Variants in SLC22A14 observed in about 807,000 individuals in gnomAD.
SLC22A14 encodes the protein solute carrier family 22 member 14.
Under a neutral mutation model 53.9 loss-of-function variants are expected in SLC22A14, and 50 were observed. The observed-to-expected ratio is 0.93, with a 90% CI of 0.74 to 1.17. SLC22A14 has a LOEUF of 1.17. Ranked by LOEUF, SLC22A14 falls within the 50% of genes most tolerant of loss-of-function variation. SLC22A14 has a pLI of 0.00. For missense variants in SLC22A14, 671 were observed against 734.7 expected (o/e 0.91, Z 1.00); for synonymous variants, 312 against 303.0 (o/e 1.03, Z -0.31).
At position 38,307,438 on chromosome 3, in the gene SLC22A14, C is replaced by T; in HGVS notation, c.620+81C>T. 1.3e-6 allele frequency: 2 copies of T among 1,528,300 alleles called. No homozygotes were observed. The highest frequency in any genetic ancestry group is 2.2e-5 in the South Asian group (2 of 89,280). 94.7% of individuals were successfully genotyped at this position (1,528,300 alleles called of 1,614,324 possible). A position where few individuals can be genotyped will look rare whatever the true frequency, so the allele number is the denominator to read the frequency against. On this transcript the variant is annotated intron_variant, in intron 3 of 10. Transcript: ENST00000448498. The surrounding 1 kb of genome is among the most constrained non-coding windows in gnomAD (Gnocchi z 4.4). Reference sequence around the variant, plus strand: ...GCATTCAGGGTTGGAGTGTGTCAGGCTGAGGGAGGTGAGGGTAGGGGTTCT... The same window carrying T: ...GCATTCAGGGTTGGAGTGTGTCAGGTTGAGGGAGGTGAGGGTAGGGGTTCT...
In SLC22A14 at chr3:38,307,184, G is replaced by A. The variant is rs550202305; in HGVS notation, c.517-70G>A. On this transcript the variant is annotated intron_variant, in intron 2 of 10. Transcript: ENST00000448498. The surrounding 1 kb of genome is among the most constrained non-coding windows in gnomAD (Gnocchi z 4.4). ...GGTCCCCTTGGCCTATAGGTCCCAC[G>A]CTGGGATGAGTCTCAGTCTCTGGAC... is the stretch of plus-strand genomic sequence containing the variant. The A allele has an allele frequency of 6.5e-5, 70 of 1,079,244 alleles. No homozygotes were observed. The highest frequency in any genetic ancestry group is 2.1e-4 in the South Asian group (17 of 80,450). The allele number at this position is 1,079,244 out of a possible 1,614,324, so 66.9% of individuals were successfully genotyped here.
chr3:38,289,975 G>A (rs1474780501), intron 1 of SLC22A14, among the ~76,000 whole-genome samples: 1 of 152,224 alleles, frequency 6.6e-6, no homozygotes, highest in African/African-American at 2.4e-5. Context: ...CCCTCCTGCT[G>A]TGCTCTCAGG....
chr3:38,287,648 G>T (rs1485857096), intron 1 of SLC22A14, among the ~76,000 whole-genome samples: 1 of 152,030 alleles, frequency 6.6e-6, no homozygotes, highest in Non-Finnish European at 1.5e-5. Context: ...AATTTGCAGG[G>T]CACATCATTC....
In SLC22A14 at chr3:38,313,468, G is replaced by C. The variant is rs139343699; in HGVS notation, c.1146G>C (p.Leu382Phe). ...ATAGGCAGCTCTGCAAGGTGACCTT[G>C]GTGATGAGCTGTGTGTGGTGAGTAT... ...CKNRQLCKVT[L>F]VMSCVWFTVS... Residue 382 changes from leucine (L) to phenylalanine (F), a missense_variant, in exon 7 of 11, where the codon TTG becomes TTC. By Grantham distance (22) the Leu-to-Phe change is conservative. Coordinates refer to ENST00000448498, the MANE Select transcript of SLC22A14 (RefSeq NM_001320033.2). 4.2e-5 allele frequency: 67 copies of C among 1,611,926 alleles called. No individual in the cohort carries two copies. In the African/African-American group the frequency reaches 8.4e-4, roughly 20 times the overall value.
At chr3:38,315,860 G>T in intron 9 of SLC22A14, 149 bp downstream of exon 9, 1 of 842,388 alleles carries the variant, frequency 1.2e-6, no homozygotes, top group Non-Finnish European at 1.9e-6. Context: ...AACACCACCA[G>T]AAAATCCCCC....
chr3:38,306,206 G>A lies in SLC22A14; in HGVS notation c.180G>A (p.Gly60=), dbSNP rs772761302. 2 of 1,614,130 alleles carry A rather than the reference G, an allele frequency of 1.2e-6. No individual in the cohort carries two copies. The highest frequency in any genetic ancestry group is 1.7e-6 in the Non-Finnish European group (2 of 1,180,020). Residue 60 remains glycine, a synonymous_variant, in exon 2 of 11, where the codon GGG becomes GGA. Transcript: ENST00000448498. ...TTGCCAACCTCCTGGATGCGGTGGG[G>A]GAGTTTGGCACATTCCAGCAGAGGC... The part of the protein sequence containing the change: ...DKFANLLDAV[G]EFGTFQQRLV...
rs561763513 is a variant in SLC22A14 at position 38,314,691 on chromosome 3, T to TAATCCA, written c.1378+750_1378+751insAATCCA. On this transcript the variant is annotated intron_variant, in intron 8 of 10. Transcript: ENST00000448498. The stretch of plus-strand genomic sequence containing the variant: ...GGGGCTCCCTCCCTTTCTCCAGGGC[T>TAATCCA]GGAATTGTGTGTGTCTGGATTAGGA... Among the ~76,000 whole-genome samples the TAATCCA allele has an allele frequency of 1.1e-4, 17 of 152,346 alleles. No homozygotes were observed. In the East Asian group the frequency reaches 3.3e-3, roughly 29 times the overall value.
chr3:38,302,474 C>T (rs886242232), intron 1 of SLC22A14, among the ~76,000 whole-genome samples: 1 of 151,642 alleles, frequency 6.6e-6, no homozygotes, highest in Non-Finnish European at 1.5e-5. Flanking sequence ...CTGGGCAACA[C>T]AACAAGACCT....
rs1200803951 is a variant in SLC22A14 at position 38,318,362 on chromosome 3, C to T, written c.*113C>T. On this transcript the variant is annotated 3_prime_UTR_variant, in exon 11 of 11. Coordinates refer to ENST00000448498, the MANE Select transcript of SLC22A14 (RefSeq NM_001320033.2). ...TAAAGAGGAAGCAAACAGCCAGGCT[C>T]CCTGAGGGCCAGGCCCCCAGACCAT... 5.6e-5 allele frequency: 57 copies of T among 1,017,356 alleles called. No individual in the cohort carries two copies. The highest frequency in any genetic ancestry group is 2.3e-4 in the South Asian group (17 of 75,504). The allele number at this position is 1,017,356 out of a possible 1,614,324, so 63.0% of individuals were successfully genotyped here. A position where few individuals can be genotyped will look rare whatever the true frequency, so the allele number is the denominator to read the frequency against.
intron 7 of SLC22A14, 36 bp from the exon 8 acceptor site, chr3:38,313,683 TGTGCGCGC>T (rs1553644860): frequency 1.6e-5 from 12 of 736,928 alleles, no homozygotes; most frequent in African/African-American, 1.2e-4. Flanking sequence ...GCTCCGTGTG[TGTGCGCGC>T]GTGTGCACGC....
At chr3:38,316,638 C>T in intron 10 of SLC22A14, 114 bp downstream of exon 10, 2 of 933,150 alleles carry the variant, frequency 2.1e-6, no homozygotes, top group African/African-American at 1.6e-5. Context: ...GAGCCTGTGA[C>T]TCGAAGGCTG....
At chr3:38,284,494 GC>G (rs1416314838) in intron 1 of SLC22A14, among the ~76,000 whole-genome samples, 2 of 152,244 alleles carry the variant, frequency 1.3e-5, no homozygotes, top group African/African-American at 4.8e-5. Context: ...CCCAGCCAAG[GC>G]CCGTCCTCTA....
At chr3:38,298,299 C>T (rs1029373496) in intron 1 of SLC22A14, among the ~76,000 whole-genome samples, 3 of 152,144 alleles carry the variant, frequency 2.0e-5, no homozygotes, top group Admixed American at 2.0e-4. Context: ...AACCATTTCT[C>T]CAACGAACCC....
At position 38,316,443 on chromosome 3, in the gene SLC22A14, T is replaced by C. The variant is rs1704622611; in HGVS notation, c.1652T>C (p.Val551Ala). The change falls in exon 10 of 11, where the codon GTG (valine) becomes GCG (alanine). Residue 551 changes from valine (V) to alanine (A), a missense_variant. Val to Ala is a moderately conservative substitution (Grantham distance 64). Coordinates refer to ENST00000448498, the MANE Select transcript of SLC22A14 (RefSeq NM_001320033.2). Reference protein sequence around the residue: ...PIFLCCVLAIVAFSLSSLLPE... With the variant: ...PIFLCCVLAIAAFSLSSLLPE... Reference sequence around the variant, plus strand: ...TTTCTCTGCTGCGTCTTAGCCATCGTGGCCTTTTCCCTCTCCTCCCTGCTG... The same window carrying C: ...TTTCTCTGCTGCGTCTTAGCCATCGCGGCCTTTTCCCTCTCCTCCCTGCTG... The C allele has an allele frequency of 1.2e-6, 2 of 1,614,128 alleles. No homozygotes were observed. The highest frequency in any genetic ancestry group is 1.7e-6 in the Non-Finnish European group (2 of 1,179,982).
At chr3:38,312,948 G>A (rs1186975530) in intron 5 of SLC22A14, 51 bp from the exon 6 acceptor site, 2 of 1,561,098 alleles carry the variant, frequency 1.3e-6, no homozygotes, top group Non-Finnish European at 1.7e-6. Flanking sequence ...GCCAGCAGGG[G>A]GTCTCTGGGC....
chr3:38,306,953 A>G (rs1704322231), intron 2 of SLC22A14, among the ~76,000 whole-genome samples: 1 of 152,234 alleles, frequency 6.6e-6, no homozygotes, highest in Admixed American at 6.5e-5. Context: ...GGTTGGGCCT[A>G]GCACCTGCCT....
At chr3:38,312,895 C>A (rs1266650153) in intron 5 of SLC22A14, 104 bp from the exon 6 acceptor site, 9 of 1,460,798 alleles carry the variant, frequency 6.2e-6, no homozygotes, top group Non-Finnish European at 8.4e-6. Flanking sequence ...ATCTGAATCA[C>A]CTCATGCTGG....
chr3:38,306,372 C>T lies in SLC22A14; in HGVS notation c.346C>T (p.Leu116=). ...VGPHLSKAEQ[L]NLTIPQAPNG... ...CCCCCACCTGTCCAAAGCTGAGCAG[C>T]TGAATCTGACCATACCCCAAGCACC... Residue 116 remains leucine (L), a synonymous_variant, in exon 2 of 11, where the codon CTG becomes TTG. Transcript: ENST00000448498. 6.2e-7 allele frequency: 1 copy of T among 1,614,222 alleles called. No homozygotes were observed. The highest frequency in any genetic ancestry group is 1.6e-4 in the Middle Eastern group (1 of 6,062).
intron 1 of SLC22A14, among the ~76,000 whole-genome samples, chr3:38,295,833 T>G (rs1308658557): frequency 6.6e-6 from 1 of 151,966 alleles, no homozygotes; most frequent in East Asian, 1.9e-4. Flanking sequence ...TTTCTCTCTC[T>G]CTTCTTTTAG....
Sources: gnomAD v4.1 joint callset for allele counts (sites outside exome capture counted in the v4.1 genomes callset) on GRCh38, gnomAD v4.1.1 for gene constraint, Gnocchi (gnomAD v3.1) non-coding constraint, MANE v1.5 for transcripts, NCBI Gene and HGNC (gene_info 2026-07-23, HGNC 2026-07-21) for gene names.